Variants in NAALADL2 observed in about 807,000 individuals in gnomAD.
NAALADL2 encodes inactive N-acetylated-alpha-linked acidic dipeptidase-like protein 2.
In NAALADL2, 76 loss-of-function variants were observed where a neutral mutation model predicts 87.2. That is an observed-to-expected ratio of 0.87 (90% CI 0.72 to 1.05). The LOEUF (loss-of-function observed/expected upper bound fraction) is 1.05. Ranked by LOEUF, NAALADL2 falls within the 50% of genes least tolerant of loss-of-function variation. The pLI, the probability that NAALADL2 is intolerant of heterozygous loss-of-function variation, is 0.00. For synonymous variants in NAALADL2, 354 were observed against 331.0 expected, an observed-to-expected ratio of 1.07 and a Z score of -0.75; for missense variants, 1,089 against 945.8, an observed-to-expected ratio of 1.15 and a Z score of -1.99.
chr3:175,096,666 A>G (rs544294665), intron 1 of NAALADL2, 124 bp from the exon 2 acceptor site: 134 of 466,444 alleles, frequency 2.9e-4, no homozygotes, highest in Non-Finnish European at 4.3e-4. Flanking sequence ...TTCTATAGGG[A>G]GAATTTATTT....
chr3:174,852,183 A>T (rs1385587749), intron 3 of NAALADL2, among the ~76,000 whole-genome samples: 5 of 152,140 alleles, frequency 3.3e-5, no homozygotes, highest in Non-Finnish European at 7.4e-5. Flanking sequence ...GCCCACTTTC[A>T]CTACTTTTAT....
At chr3:175,645,640 C>A (rs753254323) in intron 11 of NAALADL2, among the ~76,000 whole-genome samples, 1 of 151,916 alleles carries the variant, frequency 6.6e-6, no homozygotes, top group Non-Finnish European at 1.5e-5. Flanking sequence ...CAAGAGACAG[C>A]ACAGCCTATT....
chr3:175,220,787 AT>A (rs1743233123), intron 2 of NAALADL2, among the ~76,000 whole-genome samples: 1 of 152,088 alleles, frequency 6.6e-6, no homozygotes, highest in Non-Finnish European at 1.5e-5. Flanking sequence ...TAGATCGTTT[AT>A]CTTTTTCTTT....
At chr3:174,894,508 C>T (rs1018688809) in intron 1 of NAALADL2, among the ~76,000 whole-genome samples, 12 of 145,498 alleles carry the variant, frequency 8.2e-5, no homozygotes, top group African/African-American at 1.3e-4. Flanking sequence ...GCACGAGGAT[C>T]GCTTGGACCT....
At chr3:175,089,033 A>T (rs1260300734) in intron 1 of NAALADL2, among the ~76,000 whole-genome samples, 1 of 151,988 alleles carries the variant, frequency 6.6e-6, no homozygotes, top group Admixed American at 6.5e-5. Context: ...AGAAAAAAAA[A>T]ATTGTAAATG....
chr3:175,721,012 T>C (rs1449498336), intron 11 of NAALADL2, among the ~76,000 whole-genome samples: 1 of 152,044 alleles, frequency 6.6e-6, no homozygotes, highest in Non-Finnish European at 1.5e-5. Flanking sequence ...TGTGAATAAG[T>C]ATAACTAATT....
intron 3 of NAALADL2, among the ~76,000 whole-genome samples, chr3:174,763,586 C>CAAAAAAAAAAAAAAAA (rs1163373340): frequency 3.9e-4 from 19 of 48,318 alleles, no homozygotes; most frequent in Middle Eastern, 0.02. Flanking sequence ...GACTCCATCT[C>CAAAAAAAAAAAAAAAA]AAAAAAAAAA....
chr3:174,728,684 A>G (rs189038630), intron 2 of NAALADL2, among the ~76,000 whole-genome samples: 206 of 152,160 alleles, frequency 1.4e-3, no homozygotes, highest in African/African-American at 4.6e-3. Flanking sequence ...AAATAAGCCT[A>G]AAGTTTAACT....
chr3:175,178,062 G>C (rs896247632), intron 2 of NAALADL2, among the ~76,000 whole-genome samples: 1 of 151,946 alleles, frequency 6.6e-6, no homozygotes, highest in Non-Finnish European at 1.5e-5. Flanking sequence ...CACTACTCAG[G>C]TTCATAGCAT....
At chr3:175,031,518 A>G (rs1327487250) in intron 1 of NAALADL2, among the ~76,000 whole-genome samples, 2 of 152,096 alleles carry the variant, frequency 1.3e-5, no homozygotes, top group Non-Finnish European at 2.9e-5. Context: ...ACAATTGACC[A>G]CAGATGGGCA....
chr3:174,816,553 T>G (rs984658038), intron 3 of NAALADL2, among the ~76,000 whole-genome samples: 1 of 146,722 alleles, frequency 6.8e-6, no homozygotes, highest in African/African-American at 2.5e-5. Flanking sequence ...ATATATAAAT[T>G]ATGTTATGTA....
At chr3:174,794,981 C>CTT (rs772447340) in intron 3 of NAALADL2, among the ~76,000 whole-genome samples, 926 of 66,668 alleles carry the variant, frequency 0.014, 201 homozygotes, top group African/African-American at 0.049. Flanking sequence ...TCTAGTCCAG[C>CTT]TTTTTTTTTT....
chr3:175,148,116 ATAATAATAAAAT>A (rs1221199644), intron 2 of NAALADL2, among the ~76,000 whole-genome samples: 2 of 146,614 alleles, frequency 1.4e-5, no homozygotes, highest in African/African-American at 2.5e-5. Flanking sequence ...AATAATAATA[ATAATAATAAAAT>A]AATAATAATA....
intron 13 of NAALADL2, among the ~76,000 whole-genome samples, chr3:175,789,407 A>G (rs1264295696): frequency 6.6e-6 from 1 of 152,166 alleles, no homozygotes; most frequent in African/African-American, 2.4e-5. Flanking sequence ...ATCACATATG[A>G]CTTAGTCATC....
chr3:175,202,948 C>T (rs763010214), intron 2 of NAALADL2, among the ~76,000 whole-genome samples: 3 of 152,008 alleles, frequency 2.0e-5, no homozygotes, highest in Non-Finnish European at 2.9e-5. Flanking sequence ...AACCAAAGGA[C>T]CGGTCTTGCA....
chr3:175,549,969 A>C (rs766554159), intron 9 of NAALADL2, among the ~76,000 whole-genome samples: 19 of 152,114 alleles, frequency 1.2e-4, no homozygotes, highest in Non-Finnish European at 2.4e-4. Context: ...CGCTAAAGAA[A>C]TAGGTAGGCC....
intron 1 of NAALADL2, among the ~76,000 whole-genome samples, chr3:174,982,100 G>T (rs1296313024): frequency 6.6e-6 from 1 of 152,154 alleles, no homozygotes; most frequent in East Asian, 1.9e-4. Flanking sequence ...ATAGTGACTG[G>T]CAGTGTCTAC....
chr3:174,699,775 A>G (rs909144194), intron 2 of NAALADL2, among the ~76,000 whole-genome samples: 15 of 149,086 alleles, frequency 1.0e-4, no homozygotes, highest in African/African-American at 3.2e-4. Flanking sequence ...TAAGCATTAT[A>G]TATGAGTTCA....
intron 11 of NAALADL2, among the ~76,000 whole-genome samples, chr3:175,711,300 A>G (rs1740502448): frequency 1.3e-5 from 2 of 151,906 alleles, no homozygotes; most frequent in South Asian, 4.1e-4. Flanking sequence ...GGTTCAATTA[A>G]ATCAACTTCA....
Sources: gnomAD v4.1 joint callset for allele counts (sites outside exome capture counted in the v4.1 genomes callset) on GRCh38, gnomAD v4.1.1 for gene constraint, MANE v1.5 for transcripts, NCBI Gene and HGNC (gene_info 2026-07-23, HGNC 2026-07-21) for gene names.